The following CNOT2 variants were observed in gnomAD, a reference collection of about 807,000 sequenced individuals.
CNOT2 encodes CC chemokine receptor 4-negative regulator of transcription 2.
In CNOT2, 7 loss-of-function variants were observed where a neutral mutation model predicts 72.1. That is an observed-to-expected ratio of 0.10 (90% CI 0.06 to 0.18). The LOEUF (loss-of-function observed/expected upper bound fraction) is 0.18, where lower values mean the gene tolerates loss of function less well. CNOT2 is among the 10% of genes least tolerant of loss of function. CNOT2 has a pLI of 1.00. For synonymous variants in CNOT2, 196 were observed against 225.6 expected (o/e 0.87, Z 1.17); for missense variants, 345 against 660.3 (o/e 0.52, Z 5.23).
intron 2 of CNOT2, among the ~76,000 whole-genome samples, chr12:70,298,182 T>C (rs915595837): frequency 2.0e-5 from 3 of 152,226 alleles, no homozygotes; most frequent in African/African-American, 7.2e-5. Flanking sequence ...TCATAATCAG[T>C]CCATTCTTGT....
chr12:70,244,514 C>A (rs1159767252), intron 1 of CNOT2, among the ~76,000 whole-genome samples: 2 of 152,090 alleles, frequency 1.3e-5, no homozygotes, highest in Admixed American at 6.5e-5. Flanking sequence ...TATATTTATT[C>A]CAGGCCTGTA....
intron 15 of CNOT2, among the ~76,000 whole-genome samples, chr12:70,348,954 G>A (rs1260696302): frequency 6.6e-6 from 1 of 151,986 alleles, no homozygotes; most frequent in Non-Finnish European, 1.5e-5. Context: ...TGTGAAAAAT[G>A]TGAGAAATAA....
chr12:70,289,689 C>T (rs1048430710), intron 2 of CNOT2, among the ~76,000 whole-genome samples: 3 of 151,814 alleles, frequency 2.0e-5, no homozygotes, highest in African/African-American at 7.3e-5. Flanking sequence ...TTTAAGTTTG[C>T]TAATCTTTTC....
At chr12:70,245,310 T>C (rs1471304646) in intron 1 of CNOT2, among the ~76,000 whole-genome samples, 2 of 152,210 alleles carry the variant, frequency 1.3e-5, no homozygotes, top group Admixed American at 6.5e-5. Context: ...TTCTTGACTT[T>C]GTAAGATCCT....
At chr12:70,305,166 G>A (rs546141874) in intron 2 of CNOT2, among the ~76,000 whole-genome samples, 10 of 152,296 alleles carry the variant, frequency 6.6e-5, no homozygotes, top group South Asian at 2.1e-4. Flanking sequence ...ATGGTGCGCC[G>A]CACCCACTGT....
At chr12:70,304,767 C>T (rs1462164538) in intron 2 of CNOT2, among the ~76,000 whole-genome samples, 3 of 152,246 alleles carry the variant, frequency 2.0e-5, no homozygotes, top group African/African-American at 4.8e-5. Context: ...GCCCTGCCCC[C>T]AGAGGTGGAG....
In CNOT2 at chr12:70,323,113, A is replaced by G. The variant is rs1025486212; in HGVS notation, c.238+3749A>G. ...AAAGGGAAGCTATAGTGGTATGGAA[A>G]AACTTCAAAAAGCAGGTAGGAATTA... On this transcript the variant is annotated intron_variant, in intron 4 of 15. Transcript: ENST00000229195. 4 of 151,792 alleles carry G rather than the reference A, an allele frequency of 2.6e-5. No individual in the cohort carries two copies. The East Asian group carries it at 7.8e-4, about 30-fold the overall frequency. The allele number at this position is 151,792 out of a possible 1,614,324, so 9.4% of individuals were successfully genotyped here. A position where few individuals can be genotyped will look rare whatever the true frequency, so the allele number is the denominator to read the frequency against.
chr12:70,340,056 T>C (rs1416999962), intron 11 of CNOT2, among the ~76,000 whole-genome samples: 1 of 152,202 alleles, frequency 6.6e-6, no homozygotes, highest in African/African-American at 2.4e-5. Flanking sequence ...CTTTCCCATT[T>C]CTTTATTTCC....
chr12:70,255,843 CTT>C (rs1958413416), intron 1 of CNOT2, among the ~76,000 whole-genome samples: 2 of 152,046 alleles, frequency 1.3e-5, no homozygotes, highest in Admixed American at 6.6e-5. Context: ...ATATCTAAAA[CTT>C]ATTTATAAAA....
Position 70,338,658 on chromosome 12 carries a change from C to A in CNOT2, c.1022-8C>A. ...GAAAATAAAAGCAACTGTGTTTTTCCTACCCAGGTCGGGTTACTAACATTC... is the reference window on the plus strand; with the variant it reads ...GAAAATAAAAGCAACTGTGTTTTTCATACCCAGGTCGGGTTACTAACATTC... On this transcript the variant is annotated splice_region_variant and splice_polypyrimidine_tract_variant and intron_variant, in intron 10 of 15. Transcript: ENST00000229195. 1 of 1,605,138 alleles carries A rather than the reference C, an allele frequency of 6.2e-7. No individual in the cohort carries two copies. The highest frequency in any genetic ancestry group is 8.5e-7 in the Non-Finnish European group (1 of 1,176,844).
intron 1 of CNOT2, among the ~76,000 whole-genome samples, chr12:70,265,321 T>TTCTCTTCTCTTCTCA (rs796521434): frequency 1.4e-5 from 2 of 146,688 alleles, no homozygotes; most frequent in African/African-American, 4.9e-5. Context: ...TTCTCTTCTC[T>TTCTCTTCTCTTCTCA]TCTCTTTCTT....
At chr12:70,294,214 C>T (rs1240217291) in intron 2 of CNOT2, 1 of 1,289,288 alleles carries the variant, frequency 7.8e-7, no homozygotes, top group African/African-American at 1.5e-5. Flanking sequence ...GCTCACCCTC[C>T]AACCTTTCCT....
intron 3 of CNOT2, among the ~76,000 whole-genome samples, chr12:70,315,116 A>G (rs1044327145): frequency 2.0e-5 from 3 of 152,002 alleles, no homozygotes; most frequent in Admixed American, 2.0e-4. Context: ...TGCCCTCCTC[A>G]GCCTCCCAAA....
At chr12:70,333,735 T>A (rs1880280015) in intron 7 of CNOT2, among the ~76,000 whole-genome samples, 1 of 151,984 alleles carries the variant, frequency 6.6e-6, no homozygotes, top group Non-Finnish European at 1.5e-5. Flanking sequence ...CACACAAGAT[T>A]AAAATCTTTG....
chr12:70,347,176 C>T (rs1297127014), intron 15 of CNOT2, among the ~76,000 whole-genome samples: 1 of 151,940 alleles, frequency 6.6e-6, no homozygotes, highest in South Asian at 2.1e-4. Flanking sequence ...TCTGACAGTT[C>T]TTTGGACAAT....
chr12:70,288,896 A>T (rs1466896371), intron 2 of CNOT2, among the ~76,000 whole-genome samples: 2 of 152,194 alleles, frequency 1.3e-5, no homozygotes, highest in East Asian at 3.9e-4. Flanking sequence ...GGATGGTGGT[A>T]ATGTTATTTC....
intron 1 of CNOT2, among the ~76,000 whole-genome samples, chr12:70,261,532 G>A (rs984453219): frequency 3.3e-5 from 5 of 151,396 alleles, no homozygotes; most frequent in Non-Finnish European, 5.9e-5. Context: ...TAGCCAGGAT[G>A]GTCTCAATCT....
intron 8 of CNOT2, 57 bp from the exon 9 acceptor site, chr12:70,337,332 T>G (rs1880841549): frequency 6.8e-7 from 1 of 1,469,522 alleles, no homozygotes; most frequent in African/African-American, 1.4e-5. Flanking sequence ...CTTTATAATC[T>G]GTAGCAAAAT....
chr12:70,308,777 A>G (rs1386944583), intron 2 of CNOT2, among the ~76,000 whole-genome samples: 3 of 152,160 alleles, frequency 2.0e-5, no homozygotes, highest in East Asian at 1.9e-4. Flanking sequence ...CTAGGAGTCT[A>G]TAATGGTCTT....
Sources: gnomAD v4.1 joint callset for allele counts (sites outside exome capture counted in the v4.1 genomes callset) on GRCh38, gnomAD v4.1.1 for gene constraint, MANE v1.5 for transcripts, NCBI Gene and HGNC (gene_info 2026-07-23, HGNC 2026-07-21) for gene names.